Variants in GRID2 observed in about 807,000 individuals in gnomAD.
GRID2 encodes glutamate ionotropic receptor delta type subunit 2.
In GRID2, 33 loss-of-function variants were observed where a neutral mutation model predicts 114.8. That is an observed-to-expected ratio of 0.29 (90% confidence interval 0.22 to 0.38). The LOEUF (loss-of-function observed/expected upper bound fraction) is 0.38, where lower values mean the gene tolerates loss of function less well. Ranked by LOEUF, GRID2 falls within the 10% of genes least tolerant of loss-of-function variation. GRID2 has a pLI of 1.00. For missense variants in GRID2, 1,184 were observed against 1,257.7 expected, an observed-to-expected ratio of 0.94 and a Z score of 0.89; for synonymous variants, 505 against 449.9, an observed-to-expected ratio of 1.12 and a Z score of -1.55.
In GRID2 at chr4:93,354,023, GCACA is replaced by G. The variant is rs72026131; in HGVS notation, c.1246-41567_1246-41564del. Reference sequence around the variant, plus strand: ...TAAATGTACACACAAGCACACACATGCACACACACACACACACACATATGCCAGA... The same window carrying G: ...TAAATGTACACACAAGCACACACATGCACACACACACACACATATGCCAGA... On this transcript the variant is annotated intron_variant, in intron 8 of 15. Coordinates refer to ENST00000282020, the MANE Select transcript of GRID2 (RefSeq NM_001510.4). Among the ~76,000 whole-genome samples, 81 of 100,296 alleles carry G rather than the reference GCACA, an allele frequency of 8.1e-4. No individual in the cohort carries two copies. In the East Asian group the frequency reaches 0.011, roughly 14 times the overall value. The allele number at this position is 100,296 out of a possible 152,430, so 65.8% of individuals were successfully genotyped here.
At chr4:92,832,079 AAAAT>A (rs1742141239) in intron 2 of GRID2, among the ~76,000 whole-genome samples, 1 of 152,136 alleles carries the variant, frequency 6.6e-6, no homozygotes, top group African/African-American at 2.4e-5. Context: ...AAAGATATAT[AAAAT>A]AAGTAAGGTA....
intron 8 of GRID2, among the ~76,000 whole-genome samples, chr4:93,327,164 T>C (rs1006473703): frequency 2.6e-5 from 4 of 152,186 alleles, no homozygotes; most frequent in African/African-American, 9.6e-5. Flanking sequence ...GTCATCTTTA[T>C]ATGCTGGTGA....
chr4:92,812,338 C>G (rs757614716), intron 2 of GRID2, among the ~76,000 whole-genome samples: 6 of 151,852 alleles, frequency 4.0e-5, no homozygotes, highest in Non-Finnish European at 8.8e-5. Context: ...TCTGCCAAAT[C>G]GGATAAATAA....
intron 1 of GRID2, among the ~76,000 whole-genome samples, chr4:92,498,075 T>C (rs1018123369): frequency 1.3e-5 from 2 of 151,714 alleles, no homozygotes; most frequent in African/African-American, 2.4e-5. Flanking sequence ...AAATGAGATA[T>C]ATAGAAGAAG....
chr4:93,238,637 A>T lies in GRID2; in HGVS notation c.1245+147A>T, dbSNP rs959466114. 5.8e-5 allele frequency: 32 copies of T among 553,936 alleles called. No individual in the cohort carries two copies. The African/African-American group carries it at 5.9e-4, about 10-fold the overall frequency. The allele number at this position is 553,936 out of a possible 1,614,324, so 34.3% of individuals were successfully genotyped here. A position where few individuals can be genotyped will look rare whatever the true frequency, so the allele number is the denominator to read the frequency against. On this transcript the variant is annotated intron_variant, in intron 8 of 15. Coordinates refer to ENST00000282020, the MANE Select transcript of GRID2 (RefSeq NM_001510.4). ...GGGGGTGAGGGGAAATTAGGCATTG[A>T]AATGACTTTAAATATTTACCAGAAG...
intron 12 of GRID2, among the ~76,000 whole-genome samples, chr4:93,498,702 A>G (rs1401246020): frequency 6.6e-6 from 1 of 151,812 alleles, no homozygotes; most frequent in African/African-American, 2.4e-5. Flanking sequence ...TTCTAGGTAT[A>G]GCTTATGCCA....
intron 10 of GRID2, among the ~76,000 whole-genome samples, chr4:93,429,843 GCTTTT>G (rs1429837176): frequency 2.0e-5 from 3 of 152,100 alleles, no homozygotes. Context: ...ATAACACTAG[GCTTTT>G]CTTGTCACTG....
chr4:92,880,882 C>T (rs555400695), intron 2 of GRID2, among the ~76,000 whole-genome samples: 45 of 151,858 alleles, frequency 3.0e-4, no homozygotes, highest in Non-Finnish European at 6.2e-4. Context: ...CCACCACTCC[C>T]GGGTAGTTTT....
intron 1 of GRID2, among the ~76,000 whole-genome samples, chr4:92,574,406 C>G (rs960510852): frequency 1.5e-5 from 2 of 131,848 alleles, no homozygotes; most frequent in Non-Finnish European, 3.1e-5. Flanking sequence ...CTGGTCTGTA[C>G]TTTAGTATTT....
chr4:93,205,720 A>G (rs62309159), intron 4 of GRID2, among the ~76,000 whole-genome samples: 4 of 152,034 alleles, frequency 2.6e-5, no homozygotes, highest in African/African-American at 2.4e-5. Flanking sequence ...CTAGACCCCT[A>G]AGGAATCGCC....
At chr4:93,683,546 T>A (rs1725794841) in intron 14 of GRID2, among the ~76,000 whole-genome samples, 1 of 152,090 alleles carries the variant, frequency 6.6e-6, no homozygotes, top group Non-Finnish European at 1.5e-5. Context: ...AGTCGTAAAG[T>A]GAGGAGTTAT....
chr4:93,578,818 C>T (rs962240959), intron 13 of GRID2, among the ~76,000 whole-genome samples: 1 of 152,096 alleles, frequency 6.6e-6, no homozygotes, highest in Non-Finnish European at 1.5e-5. Flanking sequence ...TGGTCTCGAT[C>T]TCCTGACCTC....
chr4:92,871,805 G>A (rs543112481), intron 2 of GRID2, among the ~76,000 whole-genome samples: 1 of 152,168 alleles, frequency 6.6e-6, no homozygotes, highest in Admixed American at 6.5e-5. Context: ...GAAAGACAGG[G>A]GAAAGAATAT....
Position 93,085,289 on chromosome 4 carries a change from T to C in GRID2, c.529+10T>C, listed in dbSNP as rs529739926. ...TATGATAGTGAATACGGTAAGTGTT[T>C]ATAATTTGTTTAGGTTTTGTAAGCT... is the stretch of plus-strand genomic sequence containing the variant. On this transcript the variant is annotated intron_variant, in intron 3 of 15. Coordinates refer to ENST00000282020, the MANE Select transcript of GRID2 (RefSeq NM_001510.4). 1.8e-4 allele frequency: 292 copies of C among 1,598,214 alleles called. 3 individuals are homozygous for C. In the South Asian group the frequency reaches 2.5e-3, roughly 14 times the overall value.
At chr4:92,853,249 A>G (rs988752478) in intron 2 of GRID2, among the ~76,000 whole-genome samples, 34 of 152,172 alleles carry the variant, frequency 2.2e-4, no homozygotes, top group African/African-American at 6.3e-4. Context: ...GAAGTGCCAA[A>G]GTGGATTATT....
At position 93,490,646 on chromosome 4, in the gene GRID2, A is replaced by G. The variant is rs1267667230; in HGVS notation, c.1866A>G (p.Glu622=). Residue 622 remains glutamate, a synonymous_variant, in exon 12 of 16, where the codon GAA becomes GAG. Coordinates refer to ENST00000282020, the MANE Select transcript of GRID2 (RefSeq NM_001510.4). ...CTTTGCTTCTTTCTACAGGCGGGGA[A>G]GTCCCGTACACGACTCTGGCTACCC... The part of the protein sequence containing the change: ...VYGSFVQQGG[E]VPYTTLATRM... The G allele has an allele frequency of 4.4e-6, 7 of 1,604,946 alleles. No homozygotes were observed. The highest frequency in any genetic ancestry group is 6.0e-6 in the Non-Finnish European group (7 of 1,173,112).
At chr4:92,718,801 T>TGATAAGATAG (rs1235905664) in intron 2 of GRID2, among the ~76,000 whole-genome samples, 1 of 146,142 alleles carries the variant, frequency 6.8e-6, no homozygotes, top group Non-Finnish European at 1.5e-5. Context: ...TACTCTTAAG[T>TGATAAGATAG]GATAAGATAG....
intron 9 of GRID2, among the ~76,000 whole-genome samples, chr4:93,400,863 C>T (rs1483162033): frequency 6.6e-6 from 1 of 151,994 alleles, no homozygotes. Flanking sequence ...TTGAGACAGG[C>T]TCTCACTCCT....
chr4:92,867,582 A>ATT (rs34222173), intron 2 of GRID2, among the ~76,000 whole-genome samples: 2 of 143,596 alleles, frequency 1.4e-5, no homozygotes, highest in Non-Finnish European at 3.1e-5. Context: ...CTGTACTATT[A>ATT]TTTTTTTTTT....
Sources: gnomAD v4.1 joint callset for allele counts (sites outside exome capture counted in the v4.1 genomes callset) on GRCh38, gnomAD v4.1.1 for gene constraint, MANE v1.5 for transcripts, NCBI Gene and HGNC (gene_info 2026-07-23, HGNC 2026-07-21) for gene names.